Variants in PLBD2 observed in about 807,000 individuals in gnomAD.
PLBD2 encodes the protein phospholipase B domain containing 2.
Under a neutral mutation model 68.3 loss-of-function variants are expected in PLBD2, and 51 were observed. That is an observed-to-expected ratio of 0.75 (90% CI 0.60 to 0.94). The LOEUF is 0.94. Among genes scored for constraint, PLBD2 ranks in the 40% least tolerant of loss-of-function variants. The pLI, the probability that PLBD2 is intolerant of heterozygous loss-of-function variation, is 0.00. For synonymous variants in PLBD2, 314 were observed against 339.3 expected (o/e 0.93, Z 0.82); for missense variants, 729 against 792.2 (o/e 0.92, Z 0.96).
chr12:113,384,141 G>T lies in PLBD2; in HGVS notation c.994G>T (p.Ala332Ser). The change falls in exon 7 of 12, where the codon GCC (alanine) becomes TCC (serine). Residue 332 changes from alanine (A) to serine (S), a missense_variant. Coordinates refer to ENST00000280800, the MANE Select transcript of PLBD2 (RefSeq NM_173542.4). This position sits in a 1 kb window ranked among gnomAD's most constrained non-coding sequence, Gnocchi z 4.2. Reference protein sequence around the residue: ...LETTIGNKNPALWKYVRPRGC... With the variant: ...LETTIGNKNPSLWKYVRPRGC... ...GACCACCATTGGCAACAAGAACCCAGCCCTGTGGAAGTATGTGCGGCCCAG... is the reference window on the plus strand; with the variant it reads ...GACCACCATTGGCAACAAGAACCCATCCCTGTGGAAGTATGTGCGGCCCAG... 6.2e-7 allele frequency: 1 copy of T among 1,613,444 alleles called. No homozygotes were observed.
At chr12:113,369,031 TG>T in intron 1 of PLBD2, 84 bp from the exon 2 acceptor site, 1 of 872,818 alleles carries the variant, frequency 1.1e-6, no homozygotes, top group South Asian at 1.7e-5. Flanking sequence ...ACCACTGTGT[TG>T]TTTTCATAGT....
intron 1 of PLBD2, among the ~76,000 whole-genome samples, chr12:113,364,439 G>C (rs1024277830): frequency 6.6e-6 from 1 of 151,672 alleles, no homozygotes; most frequent in Admixed American, 6.6e-5. Flanking sequence ...CACACTCGCC[G>C]GGTCTCCTCA....
rs1170716496 is a variant in PLBD2 at position 113,385,238 on chromosome 12, C to T, written c.1241C>T (p.Thr414Ile). 6.2e-7 allele frequency: 1 copy of T among 1,614,182 alleles called. No individual in the cohort carries two copies. The highest frequency in any genetic ancestry group is 8.5e-7 in the Non-Finnish European group (1 of 1,180,024). ...IPGMVVVADK[T>I]SELYQKTYWA... ...GGCATGGTGGTGGTGGCTGACAAGA[C>T]CTCGGAGCTCTACCAGAAGACCTAC... Residue 414 changes from threonine (T) to isoleucine (I), a missense_variant, in exon 9 of 12, where the codon ACC becomes ATC. By Grantham distance (89) the Thr-to-Ile change is moderately conservative (BLOSUM62 -1). Coordinates refer to ENST00000280800, the MANE Select transcript of PLBD2 (RefSeq NM_173542.4).
At chr12:113,379,399 T>G (rs1445798938) in intron 5 of PLBD2, among the ~76,000 whole-genome samples, 1 of 149,286 alleles carries the variant, frequency 6.7e-6, no homozygotes, top group Non-Finnish European at 1.5e-5. Context: ...CTGGGTAGAA[T>G]CCCTGCTCAG....
chr12:113,361,135 C>A (rs578025944), intron 1 of PLBD2, among the ~76,000 whole-genome samples: 24 of 151,890 alleles, frequency 1.6e-4, no homozygotes, highest in Non-Finnish European at 3.2e-4. Context: ...TCAGCAGAAT[C>A]TCTGATCTGT....
chr12:113,375,280 GA>G (rs1356005706), intron 5 of PLBD2: 1 of 478,224 alleles, frequency 2.1e-6, no homozygotes, highest in Admixed American at 3.6e-5. Flanking sequence ...CAAGTATCTG[GA>G]ACTACAAATG....
intron 5 of PLBD2, among the ~76,000 whole-genome samples, chr12:113,379,849 T>C (rs1957470091): frequency 6.6e-6 from 1 of 152,156 alleles, no homozygotes; most frequent in African/African-American, 2.4e-5. Context: ...AATATTTATC[T>C]GTTTGTCTAT....
intron 10 of PLBD2, 47 bp downstream of exon 10, chr12:113,387,136 A>G: frequency 1.3e-6 from 2 of 1,517,608 alleles, no homozygotes; most frequent in African/African-American, 1.4e-5. Flanking sequence ...GGCCGCAGGA[A>G]CACAGAACTT....
Position 113,391,319 on chromosome 12 carries a change from C to CGATTA in PLBD2, c.*2694_*2698dup, listed in dbSNP as rs1334714569. The stretch of plus-strand genomic sequence containing the variant: ...TAGCTATGGACTCCTCTCTGAGCCT[C>CGATTA]GATTACCTCATCTGTGAAATGGGGT... On this transcript the variant is annotated 3_prime_UTR_variant, in exon 12 of 12. Transcript: ENST00000280800. The CGATTA allele has an allele frequency of 1.2e-4, 19 of 152,268 alleles. No homozygotes were observed. Among genetic ancestry groups the CGATTA allele is most frequent in the African/African-American group, 4.3e-4 (18 of 41,544 alleles). The allele number at this position is 152,268 out of a possible 1,614,324, so 9.4% of individuals were successfully genotyped here.
chr12:113,390,941 C>T lies in PLBD2; in HGVS notation c.*2315C>T, dbSNP rs192825233. On this transcript the variant is annotated 3_prime_UTR_variant, in exon 12 of 12. Coordinates refer to ENST00000280800, the MANE Select transcript of PLBD2 (RefSeq NM_173542.4). ...CCTATTCATTTATCACCCATCCATC[C>T]ACACACGGGTCTGTGCAGATTCATT... The T allele has an allele frequency of 3.3e-5, 5 of 152,348 alleles. No homozygotes were observed. The East Asian group carries it at 9.6e-4, about 29-fold the overall frequency. 9.4% of individuals were successfully genotyped at this position (152,348 alleles called of 1,614,324 possible).
Position 113,384,908 on chromosome 12 carries a change from C to T in PLBD2, c.1176C>T (p.Ser392=). The change falls in exon 8 of 12, where the codon AGC becomes AGT. Residue 392 remains serine (S), a synonymous_variant. Coordinates refer to ENST00000280800, the MANE Select transcript of PLBD2 (RefSeq NM_173542.4). This position sits in a 1 kb window ranked among gnomAD's most constrained non-coding sequence, Gnocchi z 4.2. ...AGGCGTTCATCCCGGGTGGGCCCAGCCCCGGGAGCCGGGTGCTTACCATCC... is the reference window on the plus strand; with the variant it reads ...AGGCGTTCATCCCGGGTGGGCCCAGTCCCGGGAGCCGGGTGCTTACCATCC... ...DYKAFIPGGP[S]PGSRVLTILE... 1 of 1,613,940 alleles carries T rather than the reference C, an allele frequency of 6.2e-7. No individual in the cohort carries two copies.
chr12:113,388,337 A>G, intron 11 of PLBD2, 122 bp from the exon 12 acceptor site: 1 of 266,030 alleles, frequency 3.8e-6, no homozygotes, highest in Non-Finnish European at 5.8e-6. Context: ...GCAGAGACTC[A>G]AAAAAAAAAA....
intron 1 of PLBD2, among the ~76,000 whole-genome samples, chr12:113,361,024 G>A (rs961079758): frequency 2.6e-5 from 4 of 152,018 alleles, no homozygotes; most frequent in Non-Finnish European, 4.4e-5. Context: ...ACCATAAAGC[G>A]AGCCCCATTT....
intron 6 of PLBD2, among the ~76,000 whole-genome samples, chr12:113,382,853 G>A (rs1957506610): frequency 7.6e-6 from 1 of 131,178 alleles, no homozygotes; most frequent in Non-Finnish European, 1.6e-5. Flanking sequence ...GTGTGTGTGT[G>A]TGTGTGTGTG....
chr12:113,361,109 G>T (rs1212777825), intron 1 of PLBD2, among the ~76,000 whole-genome samples: 6 of 151,976 alleles, frequency 3.9e-5, no homozygotes, highest in African/African-American at 1.2e-4. Flanking sequence ...GCCATAGGGG[G>T]TGTCCTGGCT....
chr12:113,363,420 G>A (rs1957313068), intron 1 of PLBD2, among the ~76,000 whole-genome samples: 1 of 151,946 alleles, frequency 6.6e-6, no homozygotes, highest in Admixed American at 6.6e-5. Context: ...GACAGAGTGA[G>A]ACCCTATCTC....
Position 113,384,047 on chromosome 12 carries a change from C to A in PLBD2, c.958-58C>A. The A allele has an allele frequency of 4.0e-5, 47 of 1,188,480 alleles. No individual in the cohort carries two copies. The highest frequency in any genetic ancestry group is 5.2e-5 in the Non-Finnish European group (45 of 871,422). The allele number at this position is 1,188,480 out of a possible 1,614,324, so 73.6% of individuals were successfully genotyped here. A position where few individuals can be genotyped will look rare whatever the true frequency, so the allele number is the denominator to read the frequency against. On this transcript the variant is annotated intron_variant, in intron 6 of 11. Transcript: ENST00000280800. This position sits in a 1 kb window ranked among gnomAD's most constrained non-coding sequence, Gnocchi z 4.2. ...TTTTGGAGCCATGACTGATGAAGTACTGCCACTTGGTGGCAGCATGCCTAG... is the reference window on the plus strand; with the variant it reads ...TTTTGGAGCCATGACTGATGAAGTAATGCCACTTGGTGGCAGCATGCCTAG...
Position 113,390,875 on chromosome 12 carries a change from A to G in PLBD2, c.*2249A>G, listed in dbSNP as rs1421467529. 4 of 151,512 alleles carry G rather than the reference A, an allele frequency of 2.6e-5. No individual in the cohort carries two copies. The highest frequency in any genetic ancestry group is 5.9e-5 in the Non-Finnish European group (4 of 67,906). The allele number at this position is 151,512 out of a possible 1,614,324, so 9.4% of individuals were successfully genotyped here. ...TACCCATCCATCCACCCACTCATCCATCCATTCATCCATCCACCCACCCAC... is the reference window on the plus strand; with the variant it reads ...TACCCATCCATCCACCCACTCATCCGTCCATTCATCCATCCACCCACCCAC... On this transcript the variant is annotated 3_prime_UTR_variant, in exon 12 of 12. Coordinates refer to ENST00000280800, the MANE Select transcript of PLBD2 (RefSeq NM_173542.4).
chr12:113,365,883 T>C (rs1050515772), intron 1 of PLBD2, among the ~76,000 whole-genome samples: 21 of 152,188 alleles, frequency 1.4e-4, no homozygotes, highest in African/African-American at 4.6e-4. Flanking sequence ...AGTCAGATAA[T>C]TGTAGCAGCA....
Sources: allele counts gnomAD v4.1 joint callset (sites outside exome capture counted in the v4.1 genomes callset), GRCh38; gene constraint gnomAD v4.1.1; non-coding constraint Gnocchi (gnomAD v3.1); transcripts MANE v1.5; gene names NCBI Gene and HGNC (gene_info 2026-07-23, HGNC 2026-07-21).